PHLDB1: variants seen among roughly 807,000 people sequenced by gnomAD.
PHLDB1 encodes pleckstrin homology-like domain family B member 1.
PHLDB1 carries 65 observed loss-of-function variants against 139.3 expected under a neutral mutation model. That is an observed-to-expected ratio of 0.47 (90% confidence interval 0.38 to 0.57). The LOEUF is 0.57. Among genes scored for constraint, PHLDB1 ranks in the 20% least tolerant of loss-of-function variants. The pLI is 0.00. For synonymous variants in PHLDB1, 679 were observed against 734.5 expected, an observed-to-expected ratio of 0.92 and a Z score of 1.22; for missense variants, 1,624 against 1,839.7, an observed-to-expected ratio of 0.88 and a Z score of 2.14.
intron 12 of PHLDB1, chr11:118,641,889 G>T: frequency 1.1e-6 from 1 of 893,358 alleles, no homozygotes; most frequent in Non-Finnish European, 1.5e-6. Flanking sequence ...AGCCCAAGGG[G>T]AGTGCCCAGT....
chr11:118,608,228 T>C lies in PHLDB1; in HGVS notation c.-22+529T>C, dbSNP rs1242906529. Among the ~76,000 whole-genome samples, 1 of 151,998 alleles carries C rather than the reference T, an allele frequency of 6.6e-6. No homozygotes were observed. Among genetic ancestry groups the C allele is most frequent in the Non-Finnish European group, 1.5e-5 (1 of 67,946 alleles). ...AGTCCGGCTCAGAGTCTTGAGCGTC[T>C]AGGAGGGCTGCCTGGGGGTGTCCAG... On this transcript the variant is annotated intron_variant, in intron 1 of 22. Transcript: ENST00000600882. This position sits in a 1 kb window ranked among gnomAD's most constrained non-coding sequence, Gnocchi z 6.7.
chr11:118,656,842 C>A lies in PHLDB1; in HGVS notation c.*19C>A. 6.3e-7 allele frequency: 1 copy of A among 1,599,956 alleles called. No individual in the cohort carries two copies. The highest frequency in any genetic ancestry group is 8.6e-7 in the Non-Finnish European group (1 of 1,169,146). ...GAACTAACTGCCGTGGGCCTCCTGG[C>A]AGAGCACAACTGGGGCTTTTGTATA... On this transcript the variant is annotated 3_prime_UTR_variant, in exon 23 of 23. Transcript: ENST00000600882.
chr11:118,629,957 C>T, intron 6 of PHLDB1: 3 of 1,256,550 alleles, frequency 2.4e-6, no homozygotes, highest in Non-Finnish European at 3.1e-6. Context: ...CTCAACCAGG[C>T]TGCTTATCTG....
chr11:118,628,200 C>A lies in PHLDB1; in HGVS notation c.1377C>A (p.Pro459=), dbSNP rs782015074. 1.2e-6 allele frequency: 2 copies of A among 1,614,110 alleles called. No homozygotes were observed. Among genetic ancestry groups the A allele is most frequent in the African/African-American group, 2.7e-5 (2 of 75,046 alleles). Residue 459 remains proline (P), a synonymous_variant, in exon 6 of 23, where the codon CCC becomes CCA. Transcript: ENST00000600882. ...RGLDSMRELP[P]LSPSLSRRAL... is the part of the protein sequence containing the mutation. ...TGGACAGTATGCGAGAACTACCCCC[C>A]TTAAGTCCATCTCTGTCCCGGCGAG...
intron 1 of PHLDB1, among the ~76,000 whole-genome samples, chr11:118,612,181 T>C (rs1292407804): frequency 1.3e-5 from 2 of 150,900 alleles, no homozygotes; most frequent in Non-Finnish European, 2.9e-5. Flanking sequence ...TATAGAAGAA[T>C]AACTTGATAA....
rs60176755 is a variant in PHLDB1 at position 118,611,832 on chromosome 11, A to ATAATAATAAT, written c.-21-1984_-21-1983insTAATAATAAT. 3.1e-4 allele frequency among the ~76,000 whole-genome samples: 45 copies of ATAATAATAAT among 147,086 alleles called. No individual in the cohort carries two copies. In the East Asian group the frequency reaches 8.9e-3, roughly 29 times the overall value. Reference sequence around the variant, plus strand: ...AAACTCCGTCTCAAAAAAAAAAAAAAAATAATAATAATAATAATAAATGGC... The same window carrying ATAATAATAAT: ...AAACTCCGTCTCAAAAAAAAAAAAAATAATAATAATAATAATAATAATAATAATAAATGGC... On this transcript the variant is annotated intron_variant, in intron 1 of 22. Coordinates refer to ENST00000600882, the MANE Select transcript of PHLDB1 (RefSeq NM_001144758.3). This position sits in a 1 kb window ranked among gnomAD's most constrained non-coding sequence, Gnocchi z 4.7.
Position 118,610,509 on chromosome 11 carries a change from C to T in PHLDB1, c.-22+2810C>T. 1.0e-6 allele frequency: 1 copy of T among 979,654 alleles called. No homozygotes were observed. The highest frequency in any genetic ancestry group is 1.2e-6 in the Non-Finnish European group (1 of 824,642). 60.7% of individuals were successfully genotyped at this position (979,654 alleles called of 1,614,324 possible). ...GCACCGCTTGGGCCGAGGCCGAGGC[C>T]GACCCCCAGGGACACAGGTGAGGCC... On this transcript the variant is annotated intron_variant, in intron 1 of 22. Transcript: ENST00000600882. The surrounding 1 kb of genome is among the most constrained non-coding windows in gnomAD (Gnocchi z 8.7).
intron 13 of PHLDB1, chr11:118,643,595 C>T (rs1946945167): frequency 1.0e-6 from 1 of 985,230 alleles, no homozygotes; most frequent in African/African-American, 1.7e-5. Flanking sequence ...GGGATTGGCC[C>T]AGGGAGGAAC....
At chr11:118,635,089 C>A in intron 9 of PHLDB1, 1 of 536,288 alleles carries the variant, frequency 1.9e-6, no homozygotes, top group Non-Finnish European at 3.5e-6. Flanking sequence ...GCCCCGCGGG[C>A]CACGCCCCAG....
chr11:118,650,503 G>C lies in PHLDB1; in HGVS notation c.3830G>C (p.Trp1277Ser). 2 of 1,614,132 alleles carry C rather than the reference G, an allele frequency of 1.2e-6. No individual in the cohort carries two copies. Among genetic ancestry groups the C allele is most frequent in the Non-Finnish European group, 1.7e-6 (2 of 1,179,980 alleles). Residue 1277 changes from tryptophan (W) to serine (S), a missense_variant, in exon 20 of 23, where the codon TGG becomes TCG. By Grantham distance (177) the Trp-to-Ser change is radical. Coordinates refer to ENST00000600882, the MANE Select transcript of PHLDB1 (RefSeq NM_001144758.3). This position sits in a 1 kb window ranked among gnomAD's most constrained non-coding sequence, Gnocchi z 4.7. ...GGKIKSWKKR[W>S]FVFDRLKRTL... ...AAGATTAAATCATGGAAGAAGCGCTGGTTTGTCTTCGACCGGCTCAAGCGC... is the reference window on the plus strand; with the variant it reads ...AAGATTAAATCATGGAAGAAGCGCTCGTTTGTCTTCGACCGGCTCAAGCGC...
Position 118,639,204 on chromosome 11 carries a change from C to G in PHLDB1, c.2689C>G (p.Leu897Val), listed in dbSNP as rs140876224. 3 of 1,614,122 alleles carry G rather than the reference C, an allele frequency of 1.9e-6. No individual in the cohort carries two copies. Among genetic ancestry groups the G allele is most frequent in the South Asian group, 1.1e-5 (1 of 91,082 alleles). Reference protein sequence around the residue: ...LTVLERRYHSLTGGRPFPKTT... With the variant: ...LTVLERRYHSVTGGRPFPKTT... The stretch of plus-strand genomic sequence containing the variant: ...TGTGCTGGAAAGGAGATACCACTCA[C>G]TCACAGGGGGCAGGCCTTTCCCGAA... Residue 897 changes from leucine (L) to valine (V), a missense_variant, in exon 12 of 23, where the codon CTC becomes GTC. By Grantham distance (32) the Leu-to-Val change is conservative (BLOSUM62 1). Transcript: ENST00000600882.
intron 18 of PHLDB1, among the ~76,000 whole-genome samples, chr11:118,648,375 C>T (rs1555132298): frequency 2.0e-5 from 3 of 150,446 alleles, no homozygotes. Context: ...ACCTTGCAGA[C>T]ATCCGGGGTC....
chr11:118,623,008 T>A (rs1376966052), intron 4 of PHLDB1, among the ~76,000 whole-genome samples: 2 of 152,158 alleles, frequency 1.3e-5, no homozygotes, highest in Non-Finnish European at 2.9e-5. Flanking sequence ...CTCAGCCTAC[T>A]AAACCCCCAA....
Position 118,632,789 on chromosome 11 carries a change from T to G in PHLDB1, c.2379+493T>G. On this transcript the variant is annotated intron_variant, in intron 9 of 22. Transcript: ENST00000600882. This position sits in a 1 kb window ranked among gnomAD's most constrained non-coding sequence, Gnocchi z 5.9. The stretch of plus-strand genomic sequence containing the variant: ...TCCCATCCCAGGTGATCCTAGCTCC[T>G]GCCCCTGCCCCTTTCAGATTTCGTG... 1 of 896,494 alleles carries G rather than the reference T, an allele frequency of 1.1e-6. No individual in the cohort carries two copies. The highest frequency in any genetic ancestry group is 1.3e-6 in the Non-Finnish European group (1 of 746,910). 55.5% of individuals were successfully genotyped at this position (896,494 alleles called of 1,614,324 possible).
Position 118,632,747 on chromosome 11 carries a change from CT to C in PHLDB1, c.2379+453del. 1 of 421,886 alleles carries C rather than the reference CT, an allele frequency of 2.4e-6. No homozygotes were observed. The highest frequency in any genetic ancestry group is 3.2e-6 in the Non-Finnish European group (1 of 309,964). The allele number at this position is 421,886 out of a possible 1,614,324, so 26.1% of individuals were successfully genotyped here. A position where few individuals can be genotyped will look rare whatever the true frequency, so the allele number is the denominator to read the frequency against. ...CCTCGGGCCTCTGCTTCCCTTGAGCCTTCAGGATCTGCAGCCTCCCATCCCA... is the reference window on the plus strand; with the variant it reads ...CCTCGGGCCTCTGCTTCCCTTGAGCCTCAGGATCTGCAGCCTCCCATCCCA... On this transcript the variant is annotated intron_variant, in intron 9 of 22. Transcript: ENST00000600882. The surrounding 1 kb of genome is among the most constrained non-coding windows in gnomAD (Gnocchi z 5.9).
intron 4 of PHLDB1, among the ~76,000 whole-genome samples, chr11:118,617,736 C>T (rs1555091010): frequency 6.6e-6 from 1 of 152,060 alleles, no homozygotes; most frequent in Non-Finnish European, 1.5e-5. Context: ...TACGTAGGCC[C>T]TTGCCTTCTC....
rs1939867765 is a variant in PHLDB1, at chr11:118,610,072, C to T, written c.-22+2373C>T. ...GCGCATCCCCAGTGTTCCCGTCTGT[C>T]GTCGCCTCCACTTGAGGACCCGCCT... is the stretch of plus-strand genomic sequence containing the variant. On this transcript the variant is annotated intron_variant, in intron 1 of 22. Transcript: ENST00000600882. The surrounding 1 kb of genome is among the most constrained non-coding windows in gnomAD (Gnocchi z 8.7). Among the ~76,000 whole-genome samples, 1 of 151,580 alleles carries T rather than the reference C, an allele frequency of 6.6e-6. No individual in the cohort carries two copies. Among genetic ancestry groups the T allele is most frequent in the Non-Finnish European group, 1.5e-5 (1 of 67,854 alleles).
chr11:118,651,218 A>T (rs539914986), intron 20 of PHLDB1: 2 of 152,476 alleles, frequency 1.3e-5, no homozygotes, highest in African/African-American at 4.8e-5. Context: ...GGACAGGTGC[A>T]GTGGCTCACA....
At chr11:118,631,505 AAG>A (rs1171660011) in intron 7 of PHLDB1, 26 bp downstream of exon 7, 2 of 1,416,402 alleles carry the variant, frequency 1.4e-6, no homozygotes, top group Non-Finnish European at 1.8e-6. Context: ...AGGCAAGACA[AAG>A]AGGCTGAAGT....
Sources: gnomAD v4.1 joint callset for allele counts (sites outside exome capture counted in the v4.1 genomes callset) on GRCh38, gnomAD v4.1.1 for gene constraint, Gnocchi (gnomAD v3.1) non-coding constraint, MANE v1.5 for transcripts, NCBI Gene and HGNC (gene_info 2026-07-23, HGNC 2026-07-21) for gene names.